GSE1: variants seen among roughly 807,000 people sequenced by gnomAD.
The protein encoded by GSE1 is Gse1 coiled-coil protein, also known as genetic suppressor element 1.
In GSE1, 32 loss-of-function variants were observed where a neutral mutation model predicts 112.6. The observed-to-expected ratio is 0.28, with a 90% CI of 0.21 to 0.38. GSE1 has a LOEUF of 0.38. Among genes scored for constraint, GSE1 ranks in the 10% least tolerant of loss-of-function variants. The probability of loss-of-function intolerance (pLI) is 1.00; values close to 1 mark genes in which losing one functional copy is unlikely to be tolerated. For missense variants in GSE1, 2,348 were observed against 1,699.2 expected (o/e 1.38, Z -6.71); for synonymous variants, 1,115 against 735.6 (o/e 1.52, Z -8.35).
intron 1 of GSE1, among the ~76,000 whole-genome samples, chr16:85,579,216 C>G (rs2046351669): frequency 6.6e-6 from 1 of 152,206 alleles, no homozygotes; most frequent in South Asian, 2.1e-4. Context: ...GGGGACCCTC[C>G]CCTCTGGGTG....
intron 1 of GSE1, among the ~76,000 whole-genome samples, chr16:85,580,437 GCT>G (rs1194946186): frequency 2.0e-5 from 3 of 152,236 alleles, no homozygotes; most frequent in Non-Finnish European, 4.4e-5. Flanking sequence ...GAGGCTGCGT[GCT>G]CTCTGCCTCC....
At chr16:85,318,260 C>T (rs1401148029) in intron 1 of GSE1, among the ~76,000 whole-genome samples, 1 of 152,192 alleles carries the variant, frequency 6.6e-6, no homozygotes, top group African/African-American at 2.4e-5. Context: ...CCCCGGTTTC[C>T]TTATCCCTTT....
At chr16:85,513,576 C>T (rs1013856108) in intron 2 of GSE1, among the ~76,000 whole-genome samples, 1 of 152,192 alleles carries the variant, frequency 6.6e-6, no homozygotes, top group Non-Finnish European at 1.5e-5. Flanking sequence ...TTCACTGGGC[C>T]AGCCCCTTCT....
intron 1 of GSE1, among the ~76,000 whole-genome samples, chr16:85,245,646 A>G (rs1905562826): frequency 6.6e-6 from 1 of 152,210 alleles, no homozygotes; most frequent in Admixed American, 6.5e-5. Flanking sequence ...AACTCTTAAA[A>G]TAGTCCTTAC....
chr16:85,563,825 G>C (rs2045627677), intron 1 of GSE1, among the ~76,000 whole-genome samples: 2 of 152,250 alleles, frequency 1.3e-5, no homozygotes, highest in Admixed American at 1.3e-4. Context: ...GGGTCTCGTG[G>C]TCACCTCAGG....
intron 1 of GSE1, among the ~76,000 whole-genome samples, chr16:85,355,093 G>A (rs1373896546): frequency 6.6e-6 from 1 of 152,220 alleles, no homozygotes; most frequent in African/African-American, 2.4e-5. Context: ...ATAAATTAAA[G>A]CATTCCCGGA....
At chr16:85,208,694 A>ATGTAAAAG (rs747736221) in intron 1 of GSE1, among the ~76,000 whole-genome samples, 2 of 149,924 alleles carry the variant, frequency 1.3e-5, no homozygotes, top group Non-Finnish European at 3.0e-5. Context: ...CTTTTTAAAA[A>ATGTAAAAG]TGTAAAAGTC....
At chr16:85,652,557 C>T (rs1002691114) in intron 3 of GSE1, among the ~76,000 whole-genome samples, 5 of 152,128 alleles carry the variant, frequency 3.3e-5, no homozygotes, top group Non-Finnish European at 5.9e-5. Context: ...GCGGCGGCGG[C>T]GGCGGCGGCT....
intron 2 of GSE1, among the ~76,000 whole-genome samples, chr16:85,453,649 C>G (rs76088847): frequency 0.016 from 2,379 of 152,180 alleles, 61 homozygotes; most frequent in African/African-American, 0.054. Flanking sequence ...GTGGGCAGTT[C>G]CTGTCCTGAA....
intron 1 of GSE1, among the ~76,000 whole-genome samples, chr16:85,580,782 G>C (rs2046415898): frequency 6.6e-6 from 1 of 152,252 alleles, no homozygotes; most frequent in Admixed American, 6.5e-5. Context: ...CACAGGAGGA[G>C]ACCCCAGAGA....
In GSE1 at chr16:85,661,489, C is replaced by T. The variant is rs2052426590; in HGVS notation, c.1984C>T (p.Leu662=). The T allele has an allele frequency of 5.0e-6, 8 of 1,611,884 alleles. No homozygotes were observed. Among genetic ancestry groups the T allele is most frequent in the Non-Finnish European group, 6.8e-6 (8 of 1,179,544 alleles). ...GCCGCCACCACGAGAGGGAGGGAGC[C>T]TGGAGCACCAGCCCTTCCTGCCCGG... The part of the protein sequence containing the change: ...PPPPPREGGS[L]EHQPFLPGPG... The change falls in exon 9 of 16, where the codon CTG becomes TTG. Residue 662 remains leucine (L), a synonymous_variant. Coordinates refer to ENST00000253458, the MANE Select transcript of GSE1 (RefSeq NM_014615.5).
chr16:85,320,644 A>G (rs2046086756), intron 1 of GSE1, among the ~76,000 whole-genome samples: 1 of 151,952 alleles, frequency 6.6e-6, no homozygotes, highest in African/African-American at 2.4e-5. Flanking sequence ...ACCTCATCTT[A>G]ACTAGTAACA....
chr16:85,661,537 C>A lies in GSE1; in HGVS notation c.2032C>A (p.Leu678Ile). 1 of 1,612,058 alleles carries A rather than the reference C, an allele frequency of 6.2e-7. No individual in the cohort carries two copies. Among genetic ancestry groups the A allele is most frequent in the Non-Finnish European group, 8.5e-7 (1 of 1,179,734 alleles). ...CGGGCCCGGGCCCTTCCTGGCTGAG[C>A]TCGAGAAGTCCACCCAGACCATCCT... ...LPGPGPFLAE[L>I]EKSTQTILGQ... is the part of the protein sequence containing the mutation. The change falls in exon 9 of 16, where the codon CTC (leucine) becomes ATC (isoleucine). Residue 678 changes from leucine to isoleucine, a missense_variant. Leu to Ile is a conservative substitution (Grantham distance 5). Coordinates refer to ENST00000253458, the MANE Select transcript of GSE1 (RefSeq NM_014615.5).
intron 1 of GSE1, among the ~76,000 whole-genome samples, chr16:85,623,955 A>G (rs992333818): frequency 1.3e-5 from 2 of 152,162 alleles, no homozygotes; most frequent in African/African-American, 4.8e-5. Context: ...CTCACTCGGT[A>G]CAGAAGGGAC....
At chr16:85,377,803 G>A (rs894503419) in intron 2 of GSE1, among the ~76,000 whole-genome samples, 1 of 152,220 alleles carries the variant, frequency 6.6e-6, no homozygotes, top group Non-Finnish European at 1.5e-5. Flanking sequence ...CCTGCGGGTG[G>A]CCTTCCAAAT....
chr16:85,647,388 G>A (rs1309294161), intron 2 of GSE1, among the ~76,000 whole-genome samples: 2 of 152,186 alleles, frequency 1.3e-5, no homozygotes, highest in Admixed American at 6.5e-5. Context: ...TGTAAACAGC[G>A]AACCTAGGCA....
intron 2 of GSE1, among the ~76,000 whole-genome samples, chr16:85,645,793 G>A (rs1311623917): frequency 6.6e-6 from 1 of 152,236 alleles, no homozygotes; most frequent in Non-Finnish European, 1.5e-5. Context: ...TCTGGAAAGG[G>A]CATCTACCTG....
rs115704518 is a variant in GSE1 at position 85,530,154 on chromosome 16, G to A, written c.2465-103760G>A. Among the ~76,000 whole-genome samples, 596 of 152,314 alleles carry A rather than the reference G, an allele frequency of 3.9e-3. 4 individuals are homozygous for A. The highest frequency in any genetic ancestry group is 0.014 in the African/African-American group (573 of 41,566). Reference sequence around the variant, plus strand: ...TGCCGTCCTGCCTCCTCCGGCCCCCGATTTCCAGCTCAGCCGTCTGCCTTG... The same window carrying A: ...TGCCGTCCTGCCTCCTCCGGCCCCCAATTTCCAGCTCAGCCGTCTGCCTTG... On this transcript the variant is annotated intron_variant, in intron 2 of 2. Transcript: ENST00000637419.
chr16:85,304,689 G>T (rs970036398), intron 1 of GSE1, among the ~76,000 whole-genome samples: 14 of 151,744 alleles, frequency 9.2e-5, no homozygotes, highest in African/African-American at 3.4e-4. Context: ...TGGCAGCTGG[G>T]CCGTGATGTT....
Sources: gnomAD v4.1 joint callset for allele counts (sites outside exome capture counted in the v4.1 genomes callset) on GRCh38, gnomAD v4.1.1 for gene constraint, MANE v1.5 for transcripts, NCBI Gene and HGNC (gene_info 2026-07-23, HGNC 2026-07-21) for gene names.